RPS6KA3: variants seen among roughly 807,000 people sequenced by gnomAD.
RPS6KA3 encodes the protein ribosomal protein S6 kinase alpha-3.
A neutral mutation model predicts 67.2 loss-of-function variants in RPS6KA3; 4 were observed. The ratio of observed to expected loss-of-function variants is 0.06; its 90% CI spans 0.03 to 0.14. The LOEUF is 0.14. RPS6KA3 is among the 10% of genes least tolerant of loss of function. The probability of loss-of-function intolerance (pLI) is 1.00; values close to 1 mark genes in which losing one functional copy is unlikely to be tolerated. For missense variants in RPS6KA3, 204 were observed against 559.0 expected, an observed-to-expected ratio of 0.36 and a Z score of 6.40; for synonymous variants, 182 against 183.7, an observed-to-expected ratio of 0.99 and a Z score of 0.07.
At chrX:20,231,973 G>A (rs1337139120) in intron 2 of RPS6KA3, among the ~76,000 whole-genome samples, 1 of 111,120 alleles carries the variant, frequency 9.0e-6, no homozygotes, top group East Asian at 2.8e-4. Context: ...CTGATACAAG[G>A]GGTATAAGGC....
chrX:20,222,848 C>T (rs2069016948), intron 2 of RPS6KA3, among the ~76,000 whole-genome samples: 1 of 111,791 alleles, frequency 8.9e-6, no homozygotes, highest in South Asian at 3.7e-4. Flanking sequence ...ACAGAACAAA[C>T]TCCAAACTTC....
At chrX:20,226,437 T>C (rs1013113992) in intron 2 of RPS6KA3, among the ~76,000 whole-genome samples, 1 of 111,884 alleles carries the variant, frequency 8.9e-6, no homozygotes, top group Non-Finnish European at 1.9e-5. Flanking sequence ...TTTATGACTA[T>C]CCTTTTAGTC....
At chrX:20,240,431 G>C (rs2069523641) in intron 1 of RPS6KA3, 1 of 118,668 alleles carries the variant, frequency 8.4e-6, no homozygotes, top group Non-Finnish European at 1.6e-5. Context: ...TGAGCATGAG[G>C]CATTAGAAAC....
At chrX:20,228,393 G>A (rs748078277) in intron 2 of RPS6KA3, among the ~76,000 whole-genome samples, 3 of 111,489 alleles carry the variant, frequency 2.7e-5, no homozygotes, top group South Asian at 7.6e-4. Flanking sequence ...CAGTCACAAC[G>A]CTCATCCTCC....
intron 19 of RPS6KA3, 141 bp downstream of exon 19, chrX:20,162,823 G>A (rs2067339343): frequency 9.7e-6 from 5 of 515,076 alleles, no homozygotes; most frequent in Non-Finnish European, 1.8e-5. Context: ...CTCCAGCCTG[G>A]GCAACAGAGT....
intron 7 of RPS6KA3, among the ~76,000 whole-genome samples, chrX:20,190,073 C>T (rs1346829810): frequency 1.8e-5 from 2 of 111,016 alleles, no homozygotes; most frequent in Non-Finnish European, 3.8e-5. Flanking sequence ...AACTTCAAGT[C>T]ATTCTCGGTA....
chrX:20,162,103 C>T (rs2067316397), intron 19 of RPS6KA3, among the ~76,000 whole-genome samples: 1 of 109,055 alleles, frequency 9.2e-6, no homozygotes, highest in Non-Finnish European at 1.9e-5. Flanking sequence ...TTTGGGAGGC[C>T]GAGGTGGGCG....
intron 2 of RPS6KA3, among the ~76,000 whole-genome samples, chrX:20,231,292 G>A (rs1363911720): frequency 9.0e-6 from 1 of 111,652 alleles, no homozygotes; most frequent in African/African-American, 3.3e-5. Context: ...GAATGTAAAA[G>A]AAAATCAGAA....
In RPS6KA3 at chrX:20,150,775, G is replaced by C. The variant is rs746078129; in HGVS notation, c.*4623C>G. 6.2e-5 allele frequency: 7 copies of C among 112,294 alleles called. No individual in the cohort carries two copies. The highest frequency in any genetic ancestry group is 1.9e-4 in the African/African-American group (6 of 30,881). The allele number at this position is 112,294 out of a possible 1,213,427, so 9.3% of individuals were successfully genotyped here. A position where few individuals can be genotyped will look rare whatever the true frequency, so the allele number is the denominator to read the frequency against. On this transcript the variant is annotated 3_prime_UTR_variant, in exon 22 of 22. Coordinates refer to ENST00000379565, the MANE Select transcript of RPS6KA3 (RefSeq NM_004586.3). ...TTTACATATACTCTACTCATGGTATGTGCTCTAAGGAGGTTTTATTGAGGT... is the reference window on the plus strand; with the variant it reads ...TTTACATATACTCTACTCATGGTATCTGCTCTAAGGAGGTTTTATTGAGGT...
chrX:20,200,496 C>T (rs988311086), intron 4 of RPS6KA3, among the ~76,000 whole-genome samples: 1 of 111,529 alleles, frequency 9.0e-6, no homozygotes, highest in Non-Finnish European at 1.9e-5. Context: ...GTTTAAAATT[C>T]CAATAAGTCA....
At chrX:20,204,146 A>C (rs774682875) in intron 3 of RPS6KA3, 43 bp from the exon 4 acceptor site, 1 of 857,117 alleles carries the variant, frequency 1.2e-6, no homozygotes, top group African/African-American at 2.0e-5. Flanking sequence ...AAGTAGTATA[A>C]ACTATATCCT....
chrX:20,238,417 T>C (rs1320689236), intron 1 of RPS6KA3, among the ~76,000 whole-genome samples: 4 of 111,593 alleles, frequency 3.6e-5, no homozygotes, highest in African/African-American at 9.7e-5. Context: ...CTTAGTTCCA[T>C]GAATAAAACT....
chrX:20,264,249 C>A (rs1176164298), intron 1 of RPS6KA3, among the ~76,000 whole-genome samples: 2 of 112,375 alleles, frequency 1.8e-5, no homozygotes, highest in African/African-American at 3.2e-5. Context: ...CAAGAAAATT[C>A]TTTGAAAACA....
At chrX:20,247,673 G>A (rs2147036621) in intron 1 of RPS6KA3, among the ~76,000 whole-genome samples, 1 of 109,398 alleles carries the variant, frequency 9.1e-6, no homozygotes, top group Admixed American at 9.7e-5. Flanking sequence ...TGTAGTCCCA[G>A]CTACTTGGGA....
At chrX:20,257,126 A>G (rs759558943) in intron 1 of RPS6KA3, among the ~76,000 whole-genome samples, 1 of 111,942 alleles carries the variant, frequency 8.9e-6, no homozygotes, top group East Asian at 2.8e-4. Context: ...TAAGTTGAGG[A>G]TAATTCTGTA....
At chrX:20,255,674 G>A (rs1163724200) in intron 1 of RPS6KA3, among the ~76,000 whole-genome samples, 7 of 103,207 alleles carry the variant, frequency 6.8e-5, no homozygotes, top group Non-Finnish European at 1.4e-4. Context: ...TGTAATCCCA[G>A]GTACCTGGGA....
At chrX:20,200,820 C>T (rs144971155) in intron 4 of RPS6KA3, among the ~76,000 whole-genome samples, 2,705 of 110,657 alleles carry the variant, frequency 0.024, 79 homozygotes, top group African/African-American at 0.079. Context: ...TCAGCTGGGA[C>T]GACAGGCACA....
chrX:20,188,665 G>A (rs905369992), intron 7 of RPS6KA3, 131 bp from the exon 8 acceptor site: 2 of 413,815 alleles, frequency 4.8e-6, no homozygotes, highest in African/African-American at 2.5e-5. Flanking sequence ...TGAATAAGAT[G>A]GCAAAGGCAA....
intron 2 of RPS6KA3, among the ~76,000 whole-genome samples, chrX:20,224,519 G>T (rs2069062955): frequency 9.0e-6 from 1 of 111,123 alleles, no homozygotes; most frequent in Non-Finnish European, 1.9e-5. Context: ...TGATTCCACT[G>T]GATACTTTTT....
Sources: gnomAD v4.1 joint callset for allele counts (sites outside exome capture counted in the v4.1 genomes callset) on GRCh38, gnomAD v4.1.1 for gene constraint, MANE v1.5 for transcripts, NCBI Gene and HGNC (gene_info 2026-07-23, HGNC 2026-07-21) for gene names.